The following CEPT1 variants were observed in gnomAD, a reference collection of about 807,000 sequenced individuals.
CEPT1 encodes the protein choline/ethanolaminephosphotransferase 1.
Under a neutral mutation model 42.6 loss-of-function variants are expected in CEPT1, and 7 were observed. The observed-to-expected ratio is 0.16, with a 90% confidence interval of 0.09 to 0.31. CEPT1 has a LOEUF of 0.31. CEPT1 is among the 10% of genes least tolerant of loss of function. The probability of loss-of-function intolerance (pLI) is 1.00; values close to 1 mark genes in which losing one functional copy is unlikely to be tolerated. For synonymous variants in CEPT1, 171 were observed against 171.9 expected (o/e 0.99, Z 0.04); for missense variants, 306 against 502.1 (o/e 0.61, Z 3.73).
chr1:111,181,942 T>C, intron 5 of CEPT1: 1 of 266,070 alleles, frequency 3.8e-6, no homozygotes, highest in Non-Finnish European at 7.1e-6. Context: ...GTTAATAAAG[T>C]TGAATCTGGT....
At chr1:111,158,756 T>A (rs1655706013) in intron 2 of CEPT1, among the ~76,000 whole-genome samples, 1 of 152,080 alleles carries the variant, frequency 6.6e-6, no homozygotes, top group Non-Finnish European at 1.5e-5. Flanking sequence ...TTGGAAAAAA[T>A]TCAATAATTG....
In CEPT1 at chr1:111,184,521, G is replaced by A. The variant is rs1007788785; in HGVS notation, c.*211G>A. ...GTAAATTGTATATGTTGTCATGCAG[G>A]GTTTGGGCCAAGAAAGCATGCAGAA... is the stretch of plus-strand genomic sequence containing the variant. On this transcript the variant is annotated 3_prime_UTR_variant, in exon 9 of 9. Coordinates refer to ENST00000357172, the MANE Select transcript of CEPT1 (RefSeq NM_006090.5). 7.7e-6 allele frequency: 3 copies of A among 388,726 alleles called. No homozygotes were observed. The highest frequency in any genetic ancestry group is 8.5e-5 in the South Asian group (2 of 23,510). The allele number at this position is 388,726 out of a possible 1,614,324, so 24.1% of individuals were successfully genotyped here.
At chr1:111,167,145 C>T (rs1571142786) in intron 4 of CEPT1, 1 of 984,966 alleles carries the variant, frequency 1.0e-6, no homozygotes, top group East Asian at 1.1e-4. Context: ...TTATAATATG[C>T]CAGCTTCTCA....
intron 4 of CEPT1, among the ~76,000 whole-genome samples, chr1:111,170,482 T>C (rs1046464131): frequency 6.6e-6 from 1 of 152,196 alleles, no homozygotes; most frequent in African/African-American, 2.4e-5. Context: ...TACTCCAAGT[T>C]ATCTCTCAGT....
chr1:111,163,392 G>A, intron 4 of CEPT1, among the ~76,000 whole-genome samples: 1 of 152,148 alleles, frequency 6.6e-6, no homozygotes, highest in Admixed American at 6.5e-5. Flanking sequence ...CATTCTGGGA[G>A]CCCGAGGAAA....
At chr1:111,161,474 A>C (rs1287503043) in intron 4 of CEPT1, among the ~76,000 whole-genome samples, 178 bp downstream of exon 4, 1 of 152,056 alleles carries the variant, frequency 6.6e-6, no homozygotes, top group Non-Finnish European at 1.5e-5. Flanking sequence ...CCTCTATTAT[A>C]CTTTTTTAAA....
Position 111,160,910 on chromosome 1 carries a change from T to C in CEPT1, c.488-245T>C, listed in dbSNP as rs189835171. ...AAATACTCGAAGAAATGTTGAAGTA[T>C]TTTAGTTGCCTTCAAGAACTTTGCT... On this transcript the variant is annotated intron_variant, in intron 3 of 8. Coordinates refer to ENST00000357172, the MANE Select transcript of CEPT1 (RefSeq NM_006090.5). 39 of 513,406 alleles carry C rather than the reference T, an allele frequency of 7.6e-5. No homozygotes were observed. In the East Asian group the frequency reaches 9.5e-4, roughly 13 times the overall value. The allele number at this position is 513,406 out of a possible 1,614,324, so 31.8% of individuals were successfully genotyped here. A position where few individuals can be genotyped will look rare whatever the true frequency, so the allele number is the denominator to read the frequency against.
chr1:111,182,500 A>G, intron 6 of CEPT1, 182 bp downstream of exon 6: 1 of 650,560 alleles, frequency 1.5e-6, no homozygotes, highest in South Asian at 2.2e-5. Context: ...TATGCTTTAT[A>G]TATTCATACT....
chr1:111,140,104 G>C (rs1196991933), upstream of CEPT1: 1 of 151,554 alleles, frequency 6.6e-6, no homozygotes, highest in Non-Finnish European at 1.5e-5. Flanking sequence ...ACAGGGCTGG[G>C]CCACGGGGCG....
chr1:111,152,879 AG>A (rs1655358587), intron 2 of CEPT1, among the ~76,000 whole-genome samples: 1 of 152,190 alleles, frequency 6.6e-6, no homozygotes. Flanking sequence ...ATTATATATG[AG>A]ATACAGTGTT....
chr1:111,174,932 T>C lies in CEPT1; in HGVS notation c.683T>C (p.Val228Ala), dbSNP rs201285945. 6.2e-7 allele frequency: 1 copy of C among 1,612,596 alleles called. No individual in the cohort carries two copies. The highest frequency in any genetic ancestry group is 1.7e-5 in the Admixed American group (1 of 60,004). Residue 228 changes from valine (V) to alanine (A), a missense_variant, in exon 5 of 9, where the codon GTG becomes GCG. Transcript: ENST00000357172. ...ATAATAATCATGCATTTGCTGGCAGTGATTGGAGGACCACCTTTTTGGCAA... is the reference window on the plus strand; with the variant it reads ...ATAATAATCATGCATTTGCTGGCAGCGATTGGAGGACCACCTTTTTGGCAA... The part of the protein sequence containing the change: ...IFIIIMHLLA[V>A]IGGPPFWQSM...
chr1:111,180,652 T>A (rs1047980698), intron 5 of CEPT1: 3 of 152,060 alleles, frequency 2.0e-5, no homozygotes, highest in Admixed American at 1.3e-4. Flanking sequence ...TTGATTTCAA[T>A]TTTTTTTAGA....
At chr1:111,172,165 TAAGAA>T (rs1335958101) in intron 4 of CEPT1, among the ~76,000 whole-genome samples, 1 of 152,232 alleles carries the variant, frequency 6.6e-6, no homozygotes, top group African/African-American at 2.4e-5. Flanking sequence ...ATGCGACACA[TAAGAA>T]ATTTGTTTTC....
rs577374764 is a variant in CEPT1, at chr1:111,169,948, A to C, written c.630-4931A>C. On this transcript the variant is annotated intron_variant, in intron 4 of 8. Coordinates refer to ENST00000357172, the MANE Select transcript of CEPT1 (RefSeq NM_006090.5). ...GACCTTTCTAAATGTTCTCATCTAC[A>C]AAATGGTGATATTTCCTACCTCCTA... 8.6e-4 allele frequency among the ~76,000 whole-genome samples: 131 copies of C among 152,296 alleles called. 1 individual carries two copies. The highest frequency in any genetic ancestry group is 2.3e-3 in the African/African-American group (94 of 41,574).
At chr1:111,149,703 T>G (rs1160091066) in intron 2 of CEPT1, among the ~76,000 whole-genome samples, 1 of 152,226 alleles carries the variant, frequency 6.6e-6, no homozygotes, top group Non-Finnish European at 1.5e-5. Flanking sequence ...AGAATTTGAC[T>G]GCTACTCCCA....
intron 1 of CEPT1, among the ~76,000 whole-genome samples, chr1:111,144,487 T>G (rs1393881714): frequency 2.0e-5 from 3 of 152,216 alleles, no homozygotes; most frequent in African/African-American, 7.2e-5. Flanking sequence ...TGGAAAGGTT[T>G]GTCAAAATGT....
chr1:111,159,526 A>G lies in CEPT1; in HGVS notation c.486A>G (p.Thr162=). The G allele has an allele frequency of 6.2e-7, 1 of 1,606,572 alleles. No individual in the cohort carries two copies. Among genetic ancestry groups the G allele is most frequent in the South Asian group, 1.1e-5 (1 of 89,302 alleles). The change falls in exon 3 of 9, where the codon ACA becomes ACG. Residue 162 remains threonine, a splice_region_variant and synonymous_variant. Coordinates refer to ENST00000357172, the MANE Select transcript of CEPT1 (RefSeq NM_006090.5). The part of the protein sequence containing the change: ...LFDHGCDSLS[T]VFVVLGTCIA... ...ATCATGGCTGTGATTCACTATCAAC[A>G]GGTATTGTTGATTTTTTTAATGTTA...
chr1:111,152,769 T>C (rs1655350769), intron 2 of CEPT1, among the ~76,000 whole-genome samples: 1 of 152,190 alleles, frequency 6.6e-6, no homozygotes, highest in African/African-American at 2.4e-5. Context: ...AAAAACTTTT[T>C]GTATGTTTGA....
intron 4 of CEPT1, among the ~76,000 whole-genome samples, chr1:111,171,810 C>G (rs1315792550): frequency 2.0e-5 from 3 of 152,230 alleles, no homozygotes; most frequent in African/African-American, 7.2e-5. Context: ...ACAGTCTCAG[C>G]TCACCACAAC....
Sources: gnomAD v4.1 joint callset for allele counts (sites outside exome capture counted in the v4.1 genomes callset) on GRCh38, gnomAD v4.1.1 for gene constraint, MANE v1.5 for transcripts, NCBI Gene and HGNC (gene_info 2026-07-23, HGNC 2026-07-21) for gene names.